CFHR3: variants seen among roughly 807,000 people sequenced by gnomAD.
The protein encoded by CFHR3 is complement factor H-related protein 3.
CFHR3 carries 22 observed loss-of-function variants against 36.0 expected under a neutral mutation model. The ratio of observed to expected loss-of-function variants is 0.61; its 90% CI spans 0.44 to 0.87. CFHR3 has a LOEUF of 0.87. CFHR3 is among the 40% of genes least tolerant of loss of function. CFHR3 has a pLI of 0.00. For missense variants in CFHR3, 276 were observed against 401.3 expected (o/e 0.69, Z 2.67); for synonymous variants, 97 against 137.4 (o/e 0.71, Z 2.06).
rs370780390 is a variant in CFHR3 at position 196,779,995 on chromosome 1, C to T, written c.430+22C>T. The T allele has an allele frequency of 5.4e-5, 83 of 1,531,204 alleles. 26 individuals are homozygous for T. The African/African-American group carries it at 1.3e-3, about 24-fold the overall frequency. The allele number at this position is 1,531,204 out of a possible 1,614,324, so 94.9% of individuals were successfully genotyped here. A position where few individuals can be genotyped will look rare whatever the true frequency, so the allele number is the denominator to read the frequency against. ...GTCAGTAAGTACACCGCTCTGAGATCCCAGCATGTTCATGTCTTTCTAAGT... is the reference window on the plus strand; with the variant it reads ...GTCAGTAAGTACACCGCTCTGAGATTCCAGCATGTTCATGTCTTTCTAAGT... On this transcript the variant is annotated intron_variant, in intron 3 of 5. Coordinates refer to ENST00000367425, the MANE Select transcript of CFHR3 (RefSeq NM_021023.6).
At position 196,794,915 on chromosome 1, in the gene CFHR3, T is replaced by A. The variant is rs1573131121; in HGVS notation, c.*1402T>A. 2 of 140,842 alleles carry A rather than the reference T, an allele frequency of 1.4e-5. 1 individual carries two copies. The highest frequency in any genetic ancestry group is 3.0e-5 in the Non-Finnish European group (2 of 67,230). The allele number at this position is 140,842 out of a possible 1,614,324, so 8.7% of individuals were successfully genotyped here. ...ATATTAATTGCTAGACTGAGAATGT[T>A]TTGGTGGCTAAAGCTAGGAATAACT... is the stretch of plus-strand genomic sequence containing the variant. On this transcript the variant is annotated 3_prime_UTR_variant, in exon 6 of 6. Coordinates refer to ENST00000367425, the MANE Select transcript of CFHR3 (RefSeq NM_021023.6).
intron 1 of CFHR3, among the ~76,000 whole-genome samples, chr1:196,775,871 C>T (rs1342432681): frequency 7.3e-6 from 1 of 136,918 alleles, no homozygotes; most frequent in Non-Finnish European, 1.6e-5. Context: ...ATGAGACTAT[C>T]TTTTCCCTCA....
intron 1 of CFHR3, among the ~76,000 whole-genome samples, chr1:196,775,714 A>T (rs566778992): frequency 7.3e-6 from 1 of 137,330 alleles, no homozygotes; most frequent in African/African-American, 3.0e-5. Flanking sequence ...ATATGGTAAC[A>T]TTAGCAGTGG....
intron 3 of CFHR3, among the ~76,000 whole-genome samples, 187 bp downstream of exon 3, chr1:196,780,160 T>C (rs189196325): frequency 2.2e-5 from 3 of 138,058 alleles, no homozygotes; most frequent in African/African-American, 9.0e-5. Flanking sequence ...CATAGCAAAA[T>C]AAATGCTCCT....
intron 5 of CFHR3, 89 bp from the exon 6 acceptor site, chr1:196,793,228 T>G (rs1573129087): frequency 1.7e-6 from 2 of 1,155,372 alleles, no homozygotes; most frequent in African/African-American, 2.0e-5. Flanking sequence ...TTTATAATTT[T>G]ATTTTATCCT....
Position 196,789,072 on chromosome 1 carries a change from C to T in CFHR3, c.613+674C>T, listed in dbSNP as rs191474869. On this transcript the variant is annotated intron_variant, in intron 4 of 5. Coordinates refer to ENST00000367425, the MANE Select transcript of CFHR3 (RefSeq NM_021023.6). ...AGAATGCATAATGAACAAAGGAAAT[C>T]TTTCAGTGGCAAAAGTTGATTTTTT... 8.0e-6 allele frequency: 9 copies of T among 1,130,350 alleles called. 1 individual carries two copies. The African/African-American group carries it at 1.0e-4, about 13-fold the overall frequency. The allele number at this position is 1,130,350 out of a possible 1,614,324, so 70.0% of individuals were successfully genotyped here.
At position 196,786,572 on chromosome 1, in the gene CFHR3, A is replaced by G. The variant is rs552923344; in HGVS notation, c.431-1644A>G. Among the ~76,000 whole-genome samples the G allele has an allele frequency of 2.9e-5, 4 of 135,914 alleles. 1 individual carries two copies. In the South Asian group the frequency reaches 1.0e-3, roughly 35 times the overall value. 89.2% of individuals were successfully genotyped at this position (135,914 alleles called of 152,430 possible). Reference sequence around the variant, plus strand: ...TTGATCTCAGACTGCTATGCTAGCAATCAGAGAGACTCCGTGGGCATAGGA... The same window carrying G: ...TTGATCTCAGACTGCTATGCTAGCAGTCAGAGAGACTCCGTGGGCATAGGA... On this transcript the variant is annotated intron_variant, in intron 3 of 5. Coordinates refer to ENST00000367425, the MANE Select transcript of CFHR3 (RefSeq NM_021023.6).
At position 196,779,243 on chromosome 1, in the gene CFHR3, T is replaced by C. The variant is rs1653848657; in HGVS notation, c.140T>C (p.Val47Ala). ...NMRRPYFPVA[V>A]GKYYSYYCDE... Reference sequence around the variant, plus strand: ...CGTAGACCATACTTTCCAGTAGCTGTAGGAAAATATTACTCCTATTACTGT... The same window carrying C: ...CGTAGACCATACTTTCCAGTAGCTGCAGGAAAATATTACTCCTATTACTGT... Residue 47 changes from valine to alanine, a missense_variant, in exon 2 of 6, where the codon GTA becomes GCA. Val to Ala is a moderately conservative substitution (Grantham distance 64). Transcript: ENST00000367425. 2 of 1,526,406 alleles carry C rather than the reference T, an allele frequency of 1.3e-6. No homozygotes were observed. The highest frequency in any genetic ancestry group is 1.8e-6 in the Non-Finnish European group (2 of 1,127,110). The allele number at this position is 1,526,406 out of a possible 1,614,324, so 94.6% of individuals were successfully genotyped here. A position where few individuals can be genotyped will look rare whatever the true frequency, so the allele number is the denominator to read the frequency against.
At position 196,781,588 on chromosome 1, in the gene CFHR3, C is replaced by T. The variant is rs1480171400; in HGVS notation, c.430+1615C>T. Among the ~76,000 whole-genome samples the T allele has an allele frequency of 4.4e-5, 6 of 137,104 alleles. 1 individual carries two copies. The highest frequency in any genetic ancestry group is 2.0e-4 in the East Asian group (1 of 5,116). The allele number at this position is 137,104 out of a possible 152,430, so 89.9% of individuals were successfully genotyped here. On this transcript the variant is annotated intron_variant, in intron 3 of 5. Transcript: ENST00000367425. ...CATTTTTTCATGTGTTTTTTGGCTG[C>T]GTAAATGTCTTCTTTTGAGAAGCAT...
chr1:196,783,110 G>A (rs1654028581), intron 3 of CFHR3, among the ~76,000 whole-genome samples: 1 of 136,800 alleles, frequency 7.3e-6, no homozygotes, highest in Non-Finnish European at 1.5e-5. Flanking sequence ...TACATTTATT[G>A]ATTTGCGTAT....
At chr1:196,785,558 C>T (rs1654162490) in intron 3 of CFHR3, among the ~76,000 whole-genome samples, 1 of 136,614 alleles carries the variant, frequency 7.3e-6, no homozygotes. Context: ...TTCATTTCAT[C>T]TTCCATCACT....
At position 196,779,416 on chromosome 1, in the gene CFHR3, A is replaced by G; in HGVS notation, c.253+60A>G. The G allele has an allele frequency of 6.5e-6, 8 of 1,232,722 alleles. 1 individual carries two copies. The highest frequency in any genetic ancestry group is 9.3e-6 in the Non-Finnish European group (8 of 863,966). 76.4% of individuals were successfully genotyped at this position (1,232,722 alleles called of 1,614,324 possible). ...AACTTTAAAAGATTAAAGAGAGGAG[A>G]GCACATAATTGATTACTCTTGTCTT... On this transcript the variant is annotated intron_variant, in intron 2 of 5. Coordinates refer to ENST00000367425, the MANE Select transcript of CFHR3 (RefSeq NM_021023.6).
rs999111422 is a variant in CFHR3, at chr1:196,786,518, C to A, written c.431-1698C>A. ...CAAGCCTGGGCAATGGCAGGCCCCC[C>A]TCCCCCAGCCTCGCTGCCGCCTTGC... On this transcript the variant is annotated intron_variant, in intron 3 of 5. Coordinates refer to ENST00000367425, the MANE Select transcript of CFHR3 (RefSeq NM_021023.6). Among the ~76,000 whole-genome samples the A allele has an allele frequency of 1.5e-5, 2 of 135,880 alleles. 1 individual carries two copies. Among genetic ancestry groups the A allele is most frequent in the Non-Finnish European group, 3.1e-5 (2 of 64,336 alleles). The allele number at this position is 135,880 out of a possible 152,430, so 89.1% of individuals were successfully genotyped here.
At chr1:196,775,761 G>T (rs967275941) in intron 1 of CFHR3, among the ~76,000 whole-genome samples, 1 of 136,710 alleles carries the variant, frequency 7.3e-6, no homozygotes, top group Non-Finnish European at 1.6e-5. Flanking sequence ...AATCAAGGGT[G>T]TGTGTCCATT....
chr1:196,781,874 G>T (rs1351912288), intron 3 of CFHR3, among the ~76,000 whole-genome samples: 2 of 136,368 alleles, frequency 1.5e-5, no homozygotes, highest in Non-Finnish European at 3.1e-5. Flanking sequence ...TGAAGTCCTT[G>T]CCCATGCCTA....
At position 196,783,724 on chromosome 1, in the gene CFHR3, A is replaced by G. The variant is rs1000360351; in HGVS notation, c.430+3751A>G. On this transcript the variant is annotated intron_variant, in intron 3 of 5. Transcript: ENST00000367425. Reference sequence around the variant, plus strand: ...TCTTTATTACTCTTGCTAGCAGTCTATCGATTTTGTTGATCCTTTCAAAAA... The same window carrying G: ...TCTTTATTACTCTTGCTAGCAGTCTGTCGATTTTGTTGATCCTTTCAAAAA... 5.9e-5 allele frequency among the ~76,000 whole-genome samples: 8 copies of G among 135,128 alleles called. 3 individuals carry two copies. Among genetic ancestry groups the G allele is most frequent in the African/African-American group, 2.5e-4 (8 of 31,958 alleles). 88.6% of individuals were successfully genotyped at this position (135,128 alleles called of 152,430 possible). A position where few individuals can be genotyped will look rare whatever the true frequency, so the allele number is the denominator to read the frequency against.
At position 196,779,944 on chromosome 1, in the gene CFHR3, G is replaced by A. The variant is rs1483507725; in HGVS notation, c.401G>A (p.Trp134Ter). ...ACAGTTACATGTACGGAGAAAGGCT[G>A]GTCTCCTACTCCCAGATGCATCCGT... Reference protein sequence around the residue: ...QTTVTCTEKGWSPTPRCIRVR... With the variant: ...QTTVTCTEKG The change falls in exon 3 of 6, where the codon TGG becomes TAG. Residue 134 changes from tryptophan to a stop codon, truncating the protein, a stop_gained. Coordinates refer to ENST00000367425, the MANE Select transcript of CFHR3 (RefSeq NM_021023.6). LOFTEE classifies it high-confidence loss of function. 1 of 1,533,086 alleles carries A rather than the reference G, an allele frequency of 6.5e-7. No individual in the cohort carries two copies. The highest frequency in any genetic ancestry group is 8.8e-7 in the Non-Finnish European group (1 of 1,133,288). 95.0% of individuals were successfully genotyped at this position (1,533,086 alleles called of 1,614,324 possible). A position where few individuals can be genotyped will look rare whatever the true frequency, so the allele number is the denominator to read the frequency against.
At chr1:196,788,027 A>G (rs1158784193) in intron 3 of CFHR3, among the ~76,000 whole-genome samples, 189 bp from the exon 4 acceptor site, 2 of 137,054 alleles carry the variant, frequency 1.5e-5, no homozygotes, top group Non-Finnish European at 3.1e-5. Flanking sequence ...CCCTGTGTTC[A>G]ACATTTCCTT....
At position 196,778,285 on chromosome 1, in the gene CFHR3, C is replaced by T. The variant is rs999178617; in HGVS notation, c.59-877C>T. Among the ~76,000 whole-genome samples, 41 of 136,542 alleles carry T rather than the reference C, an allele frequency of 3.0e-4. 7 individuals are homozygous for T. The highest frequency in any genetic ancestry group is 2.1e-3 in the Admixed American group (30 of 14,158). The allele number at this position is 136,542 out of a possible 152,430, so 89.6% of individuals were successfully genotyped here. A position where few individuals can be genotyped will look rare whatever the true frequency, so the allele number is the denominator to read the frequency against. On this transcript the variant is annotated intron_variant, in intron 1 of 5. Transcript: ENST00000367425. The stretch of plus-strand genomic sequence containing the variant: ...AAAGTAAAGATGTCACTTCTCTGAA[C>T]TTAGTCTTCTCATCTGCACACTAAA...
Sources: allele counts gnomAD v4.1 joint callset (sites outside exome capture counted in the v4.1 genomes callset), GRCh38; gene constraint gnomAD v4.1.1; transcripts MANE v1.5; gene names NCBI Gene and HGNC (gene_info 2026-07-23, HGNC 2026-07-21).